Variants in CNTNAP2 observed in about 807,000 individuals in gnomAD.
CNTNAP2 encodes the protein contactin-associated protein-like 2.
CNTNAP2 carries 98 observed loss-of-function variants against 155.2 expected under a neutral mutation model. The ratio of observed to expected loss-of-function variants is 0.63; its 90% confidence interval spans 0.54 to 0.75. The LOEUF is 0.75. CNTNAP2 is among the 30% of genes least tolerant of loss of function. The pLI is 0.00. For synonymous variants in CNTNAP2, 651 were observed against 631.2 expected (o/e 1.03, Z -0.47); for missense variants, 1,727 against 1,688.1 (o/e 1.02, Z -0.40).
At chr7:147,581,273 T>A (rs1362715260) in intron 12 of CNTNAP2, among the ~76,000 whole-genome samples, 1 of 152,238 alleles carries the variant, frequency 6.6e-6, no homozygotes, top group African/African-American at 2.4e-5. Context: ...ACACAAATTA[T>A]ATTTTTAACA....
chr7:146,652,381 A>G (rs911191439), intron 1 of CNTNAP2, among the ~76,000 whole-genome samples: 1 of 152,082 alleles, frequency 6.6e-6, no homozygotes, highest in African/African-American at 2.4e-5. Context: ...TTCTGTTTTC[A>G]TTATTTATTT....
intron 3 of CNTNAP2, among the ~76,000 whole-genome samples, chr7:146,947,572 T>C: frequency 3.8e-5 from 1 of 26,408 alleles, no homozygotes; most frequent in South Asian, 1.8e-3. Flanking sequence ...TATATATATA[T>C]ATACATATAT....
At chr7:148,215,513 CTTT>C (rs11351735) in intron 18 of CNTNAP2, among the ~76,000 whole-genome samples, 15 of 143,590 alleles carry the variant, frequency 1.0e-4, no homozygotes, top group Admixed American at 1.4e-4. Context: ...TCAGGGCTTT[CTTT>C]TTTTTTTTTT....
At chr7:148,343,203 T>A (rs1798265502) in intron 21 of CNTNAP2, among the ~76,000 whole-genome samples, 1 of 152,172 alleles carries the variant, frequency 6.6e-6, no homozygotes, top group Non-Finnish European at 1.5e-5. Flanking sequence ...AGCACTTTTA[T>A]CTTATAGCCA....
intron 1 of CNTNAP2, among the ~76,000 whole-genome samples, chr7:146,383,773 T>A (rs1795422786): frequency 6.6e-6 from 1 of 152,214 alleles, no homozygotes; most frequent in Non-Finnish European, 1.5e-5. Flanking sequence ...AATATATCAT[T>A]TGGACAATAG....
chr7:146,278,901 G>A (rs1800205910), intron 1 of CNTNAP2, among the ~76,000 whole-genome samples: 3 of 152,160 alleles, frequency 2.0e-5, no homozygotes, highest in African/African-American at 7.2e-5. Flanking sequence ...ACTGAGATAG[G>A]TTTAGATGAG....
chr7:147,876,260 G>C (rs868131915), intron 13 of CNTNAP2, among the ~76,000 whole-genome samples: 2 of 152,080 alleles, frequency 1.3e-5, no homozygotes, highest in Non-Finnish European at 1.5e-5. Context: ...TTTGCTTACT[G>C]ACATGTATTG....
chr7:148,119,142 G>A (rs1037942504), intron 16 of CNTNAP2, among the ~76,000 whole-genome samples: 1 of 152,150 alleles, frequency 6.6e-6, no homozygotes, highest in African/African-American at 2.4e-5. Context: ...CTGGCTGTGA[G>A]AGTCGGGGAG....
chr7:147,781,173 A>G (rs1211295120), intron 13 of CNTNAP2, among the ~76,000 whole-genome samples: 3 of 152,108 alleles, frequency 2.0e-5, no homozygotes, highest in South Asian at 4.1e-4. Context: ...CAGTGCTGAT[A>G]TTTTCTTAGA....
chr7:146,361,795 G>A (rs1224969736), intron 1 of CNTNAP2, among the ~76,000 whole-genome samples: 1 of 89,440 alleles, frequency 1.1e-5, no homozygotes, highest in Non-Finnish European at 2.8e-5. Flanking sequence ...TGTCGGTTAT[G>A]GAAGCTCAAA....
intron 13 of CNTNAP2, among the ~76,000 whole-genome samples, chr7:147,734,601 C>T (rs1402132872): frequency 2.0e-5 from 3 of 152,162 alleles, no homozygotes; most frequent in South Asian, 4.1e-4. Flanking sequence ...GTACCAACTC[C>T]TCCTTGTACC....
At chr7:148,073,788 T>C (rs1803425115) in intron 15 of CNTNAP2, among the ~76,000 whole-genome samples, 2 of 151,992 alleles carry the variant, frequency 1.3e-5, no homozygotes, top group South Asian at 4.2e-4. Flanking sequence ...TTTCAATAAA[T>C]ACAGCAGGCC....
chr7:147,427,553 A>G (rs1797399502), intron 10 of CNTNAP2, among the ~76,000 whole-genome samples: 1 of 152,158 alleles, frequency 6.6e-6, no homozygotes, highest in Non-Finnish European at 1.5e-5. Context: ...GAGTTTTTGA[A>G]TGTTAAGTCA....
At chr7:146,899,305 A>G (rs971629413) in intron 3 of CNTNAP2, among the ~76,000 whole-genome samples, 1 of 152,188 alleles carries the variant, frequency 6.6e-6, no homozygotes, top group Admixed American at 6.5e-5. Context: ...CCCAGTTGCC[A>G]ACAAGACAAG....
At chr7:146,828,099 AAAAG>A (rs1803441474) in intron 2 of CNTNAP2, among the ~76,000 whole-genome samples, 1 of 152,108 alleles carries the variant, frequency 6.6e-6, no homozygotes, top group South Asian at 2.1e-4. Flanking sequence ...AAAATATTCT[AAAAG>A]AAACCCTGAG....
intron 10 of CNTNAP2, among the ~76,000 whole-genome samples, chr7:147,443,966 ATTC>A (rs1424922224): frequency 1.6e-4 from 25 of 152,168 alleles, no homozygotes; most frequent in African/African-American, 5.8e-4. Flanking sequence ...GTTTGCTTTC[ATTC>A]TTCTTTGGAT....
At chr7:146,947,406 C>CTATATA (rs1212589608) in intron 3 of CNTNAP2, among the ~76,000 whole-genome samples, 2 of 131,996 alleles carry the variant, frequency 1.5e-5, no homozygotes, top group African/African-American at 5.9e-5. Context: ...CTCTCTCTCT[C>CTATATA]TCTCTATATA....
intron 2 of CNTNAP2, among the ~76,000 whole-genome samples, chr7:146,813,196 C>T (rs1158730034): frequency 6.6e-6 from 1 of 152,146 alleles, no homozygotes; most frequent in Admixed American, 6.6e-5. Flanking sequence ...GAGAAGAGGA[C>T]CACTGTCCTC....
intron 10 of CNTNAP2, among the ~76,000 whole-genome samples, chr7:147,482,323 G>T (rs565409191): frequency 6.6e-6 from 1 of 152,074 alleles, no homozygotes; most frequent in Non-Finnish European, 1.5e-5. Context: ...TATGGCGATA[G>T]GGTTTGCAAT....
Sources: gnomAD v4.1 joint callset for allele counts (sites outside exome capture counted in the v4.1 genomes callset) on GRCh38, gnomAD v4.1.1 for gene constraint, MANE v1.5 for transcripts, NCBI Gene and HGNC (gene_info 2026-07-23, HGNC 2026-07-21) for gene names.